The following CLEC16A variants were observed in gnomAD, a reference collection of about 807,000 sequenced individuals.
CLEC16A encodes the protein C-type lectin domain containing 16A, also known as protein CLEC16A.
In CLEC16A, 51 loss-of-function variants were observed where a neutral mutation model predicts 109.5. That is an observed-to-expected ratio of 0.47 (90% CI 0.37 to 0.59). The LOEUF (loss-of-function observed/expected upper bound fraction) is 0.59. Among genes scored for constraint, CLEC16A ranks in the 20% least tolerant of loss-of-function variants. The probability of loss-of-function intolerance (pLI) is 0.00; values close to 1 mark genes in which losing one functional copy is unlikely to be tolerated. For synonymous variants in CLEC16A, 673 were observed against 564.2 expected (o/e 1.19, Z -2.73); for missense variants, 1,339 against 1,394.0 (o/e 0.96, Z 0.63).
chr16:11,054,259 G>A (rs1475185814), intron 18 of CLEC16A, among the ~76,000 whole-genome samples: 2 of 152,260 alleles, frequency 1.3e-5, no homozygotes, highest in Admixed American at 6.5e-5. Flanking sequence ...GCAGGGGCCA[G>A]TTTGTCAGGC....
intron 22 of CLEC16A, among the ~76,000 whole-genome samples, chr16:11,138,599 G>A (rs1487232419): frequency 1.3e-5 from 2 of 152,156 alleles, no homozygotes; most frequent in Non-Finnish European, 2.9e-5. Flanking sequence ...GCCCGTGGGC[G>A]GATGAGAAAA....
rs781574361 is a variant in CLEC16A, at chr16:10,972,922, CT to C, written c.605-15del. The C allele has an allele frequency of 2.3e-5, 35 of 1,528,324 alleles. No individual in the cohort carries two copies. In the South Asian group the frequency reaches 3.9e-4, roughly 17 times the overall value. 94.7% of individuals were successfully genotyped at this position (1,528,324 alleles called of 1,614,324 possible). On this transcript the variant is annotated splice_polypyrimidine_tract_variant and intron_variant, in intron 6 of 23. Transcript: ENST00000409790. Reference sequence around the variant, plus strand: ...TTGGTAGCTTGACTTTTTTTTTCTTCTGTGAATTTTCTCAGTGGATAACCAG... The same window carrying C: ...TTGGTAGCTTGACTTTTTTTTTCTTCGTGAATTTTCTCAGTGGATAACCAG...
intron 19 of CLEC16A, among the ~76,000 whole-genome samples, chr16:11,073,851 T>C (rs1313358098): frequency 2.6e-5 from 4 of 152,260 alleles, no homozygotes; most frequent in African/African-American, 9.6e-5. Context: ...TAGCAGTCAC[T>C]GTAATTATTC....
intron 22 of CLEC16A, among the ~76,000 whole-genome samples, chr16:11,146,974 T>A (rs930988037): frequency 2.0e-5 from 3 of 152,046 alleles, no homozygotes; most frequent in Non-Finnish European, 4.4e-5. Flanking sequence ...AGATGCTGAG[T>A]TAATGTCCAG....
At chr16:11,012,135 A>G (rs2045458405) in intron 11 of CLEC16A, among the ~76,000 whole-genome samples, 1 of 152,204 alleles carries the variant, frequency 6.6e-6, no homozygotes, top group South Asian at 2.1e-4. Context: ...CCTTAAGGGA[A>G]ATTATGTATA....
chr16:11,146,298 C>G (rs1016392484), intron 22 of CLEC16A, among the ~76,000 whole-genome samples: 5 of 152,212 alleles, frequency 3.3e-5, no homozygotes, highest in African/African-American at 1.2e-4. Flanking sequence ...CATTATCAAA[C>G]TGTAAGCTCC....
chr16:11,077,366 G>A (rs572111266), intron 19 of CLEC16A, among the ~76,000 whole-genome samples: 8 of 151,916 alleles, frequency 5.3e-5, no homozygotes, highest in Middle Eastern at 6.8e-3. Flanking sequence ...CAGTTACACC[G>A]GAGACTGAGG....
chr16:11,155,310 T>C (rs1287553654), intron 22 of CLEC16A, among the ~76,000 whole-genome samples: 1 of 152,194 alleles, frequency 6.6e-6, no homozygotes, highest in Non-Finnish European at 1.5e-5. Context: ...CAACAGTGCT[T>C]TAGAGGACAC....
intron 19 of CLEC16A, among the ~76,000 whole-genome samples, chr16:11,115,379 G>C (rs537134272): frequency 5.9e-5 from 9 of 152,280 alleles, no homozygotes; most frequent in Non-Finnish European, 1.2e-4. Flanking sequence ...AGTTTTGTTT[G>C]TTTGTTTTGA....
chr16:11,145,286 G>A (rs758925162), intron 22 of CLEC16A, among the ~76,000 whole-genome samples: 2 of 152,206 alleles, frequency 1.3e-5, no homozygotes, highest in Admixed American at 1.3e-4. Flanking sequence ...CTTAGGGCGG[G>A]CTACCCGTGG....
intron 11 of CLEC16A, among the ~76,000 whole-genome samples, chr16:11,018,611 T>A (rs1258280658): frequency 6.6e-6 from 1 of 151,832 alleles, no homozygotes; most frequent in Non-Finnish European, 1.5e-5. Flanking sequence ...TAGCTGGGTG[T>A]GGTGGCGGGT....
chr16:11,058,685 C>T (rs961807385), intron 18 of CLEC16A, among the ~76,000 whole-genome samples: 1 of 152,022 alleles, frequency 6.6e-6, no homozygotes, highest in African/African-American at 2.4e-5. Flanking sequence ...CAGATATTGG[C>T]CTATATTGGG....
At chr16:11,038,713 T>A (rs1567228670) in intron 13 of CLEC16A, among the ~76,000 whole-genome samples, 1 of 152,232 alleles carries the variant, frequency 6.6e-6, no homozygotes, top group African/African-American at 2.4e-5. Flanking sequence ...CCCTTGCCTC[T>A]TAATGATAGA....
intron 19 of CLEC16A, among the ~76,000 whole-genome samples, chr16:11,107,841 G>T (rs1042581898): frequency 3.9e-5 from 6 of 152,194 alleles, no homozygotes; most frequent in African/African-American, 1.4e-4. Flanking sequence ...ATTCTGACAG[G>T]GTGGTGACCT....
At chr16:10,958,646 G>A (rs1229920247) in intron 2 of CLEC16A, among the ~76,000 whole-genome samples, 3 of 152,222 alleles carry the variant, frequency 2.0e-5, no homozygotes, top group Non-Finnish European at 4.4e-5. Flanking sequence ...GCTCACACCT[G>A]TAATCCCAGC....
chr16:11,067,167 G>GT (rs1567270976), intron 19 of CLEC16A, among the ~76,000 whole-genome samples: 12 of 122,278 alleles, frequency 9.8e-5, no homozygotes, highest in Middle Eastern at 4.4e-3. Context: ...TTTTTTTTTT[G>GT]GTTTTTTTTT....
At chr16:10,972,893 A>G (rs1216969281) in intron 6 of CLEC16A, 45 bp from the exon 7 acceptor site, 4 of 1,523,494 alleles carry the variant, frequency 2.6e-6, no homozygotes, top group Admixed American at 4.6e-5. Flanking sequence ...TCCCCAAGTT[A>G]TTTTTGGTAG....
At chr16:11,051,815 A>C (rs529728534) in intron 18 of CLEC16A, among the ~76,000 whole-genome samples, 174 bp downstream of exon 18, 13 of 152,202 alleles carry the variant, frequency 8.5e-5, no homozygotes, top group African/African-American at 3.1e-4. Flanking sequence ...GCATGTTTTT[A>C]CCCTTTGGGA....
intron 2 of CLEC16A, among the ~76,000 whole-genome samples, chr16:10,959,177 C>G (rs2042136030): frequency 2.0e-5 from 3 of 152,098 alleles, no homozygotes; most frequent in African/African-American, 7.2e-5. Flanking sequence ...TGGATTCAGA[C>G]AGAATTAGGC....
Sources: allele counts gnomAD v4.1 joint callset (sites outside exome capture counted in the v4.1 genomes callset), GRCh38; gene constraint gnomAD v4.1.1; transcripts MANE v1.5; gene names NCBI Gene and HGNC (gene_info 2026-07-23, HGNC 2026-07-21).